TNFRSF1B: variants seen among roughly 807,000 people sequenced by gnomAD.
TNFRSF1B encodes the protein tumor necrosis factor receptor superfamily member 1B.
In TNFRSF1B, 19 loss-of-function variants were observed where a neutral mutation model predicts 44.6. That is an observed-to-expected ratio of 0.43 (90% CI 0.30 to 0.62). The LOEUF is 0.62. TNFRSF1B is among the 20% of genes least tolerant of loss of function. The pLI, the probability that TNFRSF1B is intolerant of heterozygous loss-of-function variation, is 0.16. For synonymous variants in TNFRSF1B, 252 were observed against 261.1 expected, an observed-to-expected ratio of 0.97 and a Z score of 0.34; for missense variants, 541 against 619.9, an observed-to-expected ratio of 0.87 and a Z score of 1.35.
At chr1:12,167,553 C>T (rs1362810430) in intron 1 of TNFRSF1B, 1 of 361,816 alleles carries the variant, frequency 2.8e-6, no homozygotes, top group Admixed American at 4.1e-5. Context: ...CAGCCCTTCC[C>T]TCCCACGCGG....
rs1639528162 is a variant in TNFRSF1B at position 12,207,307 on chromosome 1, A to T, written c.*287A>T. ...TGGGGCAAGTCCCTGACTCTCTGTG[A>T]CCTGCCCCGCCCAGCTGCACCTGCC... is the stretch of plus-strand genomic sequence containing the variant. On this transcript the variant is annotated 3_prime_UTR_variant, in exon 10 of 10. Transcript: ENST00000376259. The T allele has an allele frequency of 1.1e-5, 4 of 372,248 alleles. No individual in the cohort carries two copies. In the South Asian group the frequency reaches 4.8e-4, roughly 45 times the overall value. The allele number at this position is 372,248 out of a possible 1,614,324, so 23.1% of individuals were successfully genotyped here.
intron 2 of TNFRSF1B, among the ~76,000 whole-genome samples, chr1:12,190,032 G>A (rs1386410376): frequency 1.3e-5 from 2 of 152,194 alleles, no homozygotes; most frequent in Admixed American, 6.5e-5. Context: ...AGTGAGCAGG[G>A]ACCATGGTAA....
chr1:12,202,626 G>C (rs541379621), intron 9 of TNFRSF1B, among the ~76,000 whole-genome samples: 10 of 152,230 alleles, frequency 6.6e-5, no homozygotes, highest in Non-Finnish European at 1.5e-4. Flanking sequence ...ACACGGCCCA[G>C]CTACTGATAA....
At chr1:12,201,475 A>G (rs2101123639) in intron 8 of TNFRSF1B, among the ~76,000 whole-genome samples, 1 of 151,584 alleles carries the variant, frequency 6.6e-6, no homozygotes, top group African/African-American at 2.4e-5. Context: ...ATAGAGTAAA[A>G]AAAAAAAAAA....
In TNFRSF1B at chr1:12,171,530, G is replaced by A. The variant is rs183047410; in HGVS notation, c.78+4361G>A. Reference sequence around the variant, plus strand: ...ACTCCCTGACCTGCTTTGTATTCCTGTATAATGCTCTTGACCTATTCTATT... The same window carrying A: ...ACTCCCTGACCTGCTTTGTATTCCTATATAATGCTCTTGACCTATTCTATT... On this transcript the variant is annotated intron_variant, in intron 1 of 9. Transcript: ENST00000376259. The surrounding 1 kb of genome is among the most constrained non-coding windows in gnomAD (Gnocchi z 4.5). 7.0e-4 allele frequency among the ~76,000 whole-genome samples: 106 copies of A among 152,282 alleles called. No homozygotes were observed. The highest frequency in any genetic ancestry group is 2.5e-3 in the African/African-American group (102 of 41,532).
At chr1:12,189,839 G>A (rs796823374) in intron 2 of TNFRSF1B, among the ~76,000 whole-genome samples, 9 of 152,360 alleles carry the variant, frequency 5.9e-5, no homozygotes, top group African/African-American at 2.2e-4. Flanking sequence ...TTTGGGCAGA[G>A]CCCTGCAGGA....
Position 12,168,287 on chromosome 1 carries a change from C to G in TNFRSF1B, c.78+1118C>G, listed in dbSNP as rs1213554461. On this transcript the variant is annotated intron_variant, in intron 1 of 9. Coordinates refer to ENST00000376259, the MANE Select transcript of TNFRSF1B (RefSeq NM_001066.3). The surrounding 1 kb of genome is among the most constrained non-coding windows in gnomAD (Gnocchi z 4.7). The stretch of plus-strand genomic sequence containing the variant: ...GGAAGGTGGGAGGTGGCACTGGCTT[C>G]TGTGGTGACATAAGGTGACTTGTTG... Among the ~76,000 whole-genome samples the G allele has an allele frequency of 6.6e-6, 1 of 152,192 alleles. No individual in the cohort carries two copies. Among genetic ancestry groups the G allele is most frequent in the Admixed American group, 6.5e-5 (1 of 15,280 alleles).
chr1:12,181,626 A>G (rs1314103741), intron 1 of TNFRSF1B, among the ~76,000 whole-genome samples: 1 of 152,100 alleles, frequency 6.6e-6, no homozygotes, highest in Non-Finnish European at 1.5e-5. Flanking sequence ...CCCCTTCTAC[A>G]AGGCCGGTGT....
intron 4 of TNFRSF1B, 103 bp downstream of exon 4, chr1:12,192,026 A>T: frequency 6.9e-7 from 1 of 1,456,048 alleles, no homozygotes; most frequent in Non-Finnish European, 9.2e-7. Context: ...TCCAGCAGGG[A>T]GCACTGTTAG....
At chr1:12,194,934 G>A (rs1639234394) in intron 8 of TNFRSF1B, among the ~76,000 whole-genome samples, 1 of 152,390 alleles carries the variant, frequency 6.6e-6, no homozygotes, top group Middle Eastern at 3.4e-3. Flanking sequence ...TGAGATGGGG[G>A]TTGTGTCTGC....
chr1:12,201,154 G>T (rs1639382951), intron 8 of TNFRSF1B, among the ~76,000 whole-genome samples: 1 of 151,580 alleles, frequency 6.6e-6, no homozygotes, highest in African/African-American at 2.4e-5. Flanking sequence ...CAGCTACTCA[G>T]GAGGTTGAGG....
chr1:12,184,212 G>A (rs975477565), intron 1 of TNFRSF1B, among the ~76,000 whole-genome samples: 1 of 152,228 alleles, frequency 6.6e-6, no homozygotes, highest in Non-Finnish European at 1.5e-5. Context: ...CTGACCAGAG[G>A]CCGGCTCCCA....
Position 12,171,983 on chromosome 1 carries a change from G to A in TNFRSF1B, c.78+4814G>A, listed in dbSNP as rs762539755. Among the ~76,000 whole-genome samples the A allele has an allele frequency of 2.4e-4, 37 of 152,246 alleles. No individual in the cohort carries two copies. Among genetic ancestry groups the A allele is most frequent in the Non-Finnish European group, 1.9e-4 (13 of 68,018 alleles). On this transcript the variant is annotated intron_variant, in intron 1 of 9. Coordinates refer to ENST00000376259, the MANE Select transcript of TNFRSF1B (RefSeq NM_001066.3). This position sits in a 1 kb window ranked among gnomAD's most constrained non-coding sequence, Gnocchi z 4.5. ...GGGGTTCTGTTTGCCTCCATCTCTT[G>A]GGGTATTTTTCTGGGCTCCTCTTCC... is the stretch of plus-strand genomic sequence containing the variant.
chr1:12,168,473 G>A lies in TNFRSF1B; in HGVS notation c.78+1304G>A, dbSNP rs1268784175. Among the ~76,000 whole-genome samples the A allele has an allele frequency of 2.0e-5, 3 of 152,162 alleles. No individual in the cohort carries two copies. The highest frequency in any genetic ancestry group is 4.8e-5 in the African/African-American group (2 of 41,440). On this transcript the variant is annotated intron_variant, in intron 1 of 9. Coordinates refer to ENST00000376259, the MANE Select transcript of TNFRSF1B (RefSeq NM_001066.3). This position sits in a 1 kb window ranked among gnomAD's most constrained non-coding sequence, Gnocchi z 4.7. Reference sequence around the variant, plus strand: ...AGGAGAGTCCCCACTCTAGGGCCGAGTGTGAATGGGGACGACCGTGGTCCC... The same window carrying A: ...AGGAGAGTCCCCACTCTAGGGCCGAATGTGAATGGGGACGACCGTGGTCCC...
At chr1:12,192,575 GGGTGA>G in intron 5 of TNFRSF1B, 51 bp downstream of exon 5, 1 of 1,539,910 alleles carries the variant, frequency 6.5e-7, no homozygotes, top group Non-Finnish European at 9.0e-7. Context: ...GGCTGTCCCT[GGGTGA>G]CTGTGGGTCC....
At chr1:12,190,251 G>A (rs1420098601) in intron 2 of TNFRSF1B, among the ~76,000 whole-genome samples, 5 of 152,080 alleles carry the variant, frequency 3.3e-5, no homozygotes, top group African/African-American at 9.7e-5. Context: ...CGGAGGCCAG[G>A]AGTTTGAGAC....
chr1:12,200,862 C>T (rs1194360143), intron 8 of TNFRSF1B, among the ~76,000 whole-genome samples: 2 of 152,168 alleles, frequency 1.3e-5, no homozygotes, highest in African/African-American at 4.8e-5. Flanking sequence ...CTCAGGTGAT[C>T]CGCCTGCCTC....
In TNFRSF1B at chr1:12,186,392, T is replaced by G. The variant is rs1397854145; in HGVS notation, c.79-2404T>G. Among the ~76,000 whole-genome samples, 1 of 152,250 alleles carries G rather than the reference T, an allele frequency of 6.6e-6. No homozygotes were observed. Among genetic ancestry groups the G allele is most frequent in the Non-Finnish European group, 1.5e-5 (1 of 68,038 alleles). Reference sequence around the variant, plus strand: ...TGGCTGGTGGAAATTTGGCCAGGTCTGCACTGGCCCAGCGGTGCTGGGTGT... The same window carrying G: ...TGGCTGGTGGAAATTTGGCCAGGTCGGCACTGGCCCAGCGGTGCTGGGTGT... On this transcript the variant is annotated intron_variant, in intron 1 of 9. Coordinates refer to ENST00000376259, the MANE Select transcript of TNFRSF1B (RefSeq NM_001066.3). This position sits in a 1 kb window ranked among gnomAD's most constrained non-coding sequence, Gnocchi z 4.8.
At chr1:12,174,262 T>TTCTCCTTCTCTTTCTC (rs1422439287) in intron 1 of TNFRSF1B, among the ~76,000 whole-genome samples, 1 of 111,492 alleles carries the variant, frequency 9.0e-6, no homozygotes. Flanking sequence ...TTCTCCTTCT[T>TTCTCCTTCTCTTTCTC]CTTCTGATGG....
Sources: allele counts gnomAD v4.1 joint callset (sites outside exome capture counted in the v4.1 genomes callset), GRCh38; gene constraint gnomAD v4.1.1; non-coding constraint Gnocchi (gnomAD v3.1); transcripts MANE v1.5; gene names NCBI Gene and HGNC (gene_info 2026-07-23, HGNC 2026-07-21).